Variants in ARSB observed in about 807,000 individuals in gnomAD.
The protein encoded by ARSB is arylsulfatase B, also known as N-acetylgalactosamine-4-sulfatase.
Under a neutral mutation model 50.9 loss-of-function variants are expected in ARSB, and 41 were observed. The observed-to-expected ratio is 0.81, with a 90% CI of 0.63 to 1.04. ARSB has a LOEUF of 1.04. Among genes scored for constraint, ARSB ranks in the 50% least tolerant of loss-of-function variants. The pLI is 0.00. For synonymous variants in ARSB, 269 were observed against 284.8 expected (o/e 0.94, Z 0.56); for missense variants, 672 against 693.3 (o/e 0.97, Z 0.35).
chr5:78,933,892 AGAAG>A (rs1480048620), intron 4 of ARSB, among the ~76,000 whole-genome samples: 1 of 152,196 alleles, frequency 6.6e-6, no homozygotes, highest in African/African-American at 2.4e-5. Context: ...TAAAAGTTAA[AGAAG>A]GAAGAATAGA....
At chr5:78,824,741 G>GC (rs1026865686) in intron 6 of ARSB, among the ~76,000 whole-genome samples, 2 of 152,146 alleles carry the variant, frequency 1.3e-5, no homozygotes, top group African/African-American at 4.8e-5. Flanking sequence ...ATCAGAATCT[G>GC]CCCCCAACTG....
At chr5:78,862,753 T>C (rs989103637) in intron 5 of ARSB, among the ~76,000 whole-genome samples, 1 of 151,996 alleles carries the variant, frequency 6.6e-6, no homozygotes, top group African/African-American at 2.4e-5. Flanking sequence ...AATAGACAAA[T>C]GGGATCTAAT....
intron 4 of ARSB, among the ~76,000 whole-genome samples, chr5:78,935,898 G>A (rs1750558784): frequency 6.6e-6 from 1 of 150,918 alleles, no homozygotes; most frequent in Non-Finnish European, 1.5e-5. Flanking sequence ...GTCCCTCTCT[G>A]GGTATTTTTC....
chr5:78,926,838 A>G (rs1251169894), intron 4 of ARSB, among the ~76,000 whole-genome samples: 3 of 152,252 alleles, frequency 2.0e-5, no homozygotes, highest in Non-Finnish European at 4.4e-5. Context: ...AATGTAATTT[A>G]AAATCTTCTA....
At chr5:78,932,825 A>G (rs867054178) in intron 4 of ARSB, among the ~76,000 whole-genome samples, 3 of 152,306 alleles carry the variant, frequency 2.0e-5, no homozygotes, top group Middle Eastern at 3.4e-3. Context: ...TATTTTCTCC[A>G]TGGAGGCATC....
chr5:78,985,114 G>A lies in ARSB; in HGVS notation c.135C>T (p.Pro45=). The part of the protein sequence containing the change: ...PGSGAGASRP[P]HLVFLLADDL... ...CGTCTGCCAGCAAGAAGACCAGGTGGGGCGGCCGGCTGGCCCCGGCGCCCG... is the reference window on the plus strand; with the variant it reads ...CGTCTGCCAGCAAGAAGACCAGGTGAGGCGGCCGGCTGGCCCCGGCGCCCG... The change falls in exon 1 of 8, where the codon CCC becomes CCT. Residue 45 remains proline, a synonymous_variant. Transcript: ENST00000264914. The A allele has an allele frequency of 6.7e-7, 1 of 1,499,846 alleles. No individual in the cohort carries two copies. The highest frequency in any genetic ancestry group is 8.9e-7 in the Non-Finnish European group (1 of 1,122,716). 92.9% of individuals were successfully genotyped at this position (1,499,846 alleles called of 1,614,324 possible).
intron 5 of ARSB, among the ~76,000 whole-genome samples, chr5:78,858,150 C>T (rs1347518560): frequency 3.9e-5 from 6 of 152,164 alleles, no homozygotes; most frequent in African/African-American, 7.2e-5. Context: ...CACATGGCCT[C>T]AGTGTCTCCT....
intron 5 of ARSB, chr5:78,883,085 A>AT (rs1467110276): frequency 6.6e-6 from 1 of 152,166 alleles, no homozygotes; most frequent in Non-Finnish European, 1.5e-5. Context: ...CGCCCAGCCA[A>AT]TTATTTTTAT....
At chr5:78,912,617 T>A (rs981650024) in intron 4 of ARSB, among the ~76,000 whole-genome samples, 1 of 152,126 alleles carries the variant, frequency 6.6e-6, no homozygotes, top group Non-Finnish European at 1.5e-5. Context: ...AGCAGGTGGG[T>A]CAGGAAGCAC....
At chr5:78,820,006 G>T (rs192286888) in intron 6 of ARSB, among the ~76,000 whole-genome samples, 1 of 152,242 alleles carries the variant, frequency 6.6e-6, no homozygotes, top group Non-Finnish European at 1.5e-5. Context: ...GGCCCTGGGG[G>T]CTCCACCCTC....
intron 4 of ARSB, among the ~76,000 whole-genome samples, chr5:78,948,243 T>A (rs946435145): frequency 2.0e-5 from 3 of 152,180 alleles, no homozygotes; most frequent in African/African-American, 7.2e-5. Flanking sequence ...ATAGGGTGAC[T>A]ACAGTTAATA....
In ARSB at chr5:78,923,253, C is replaced by T. The variant is rs1749908353; in HGVS notation, c.898+32042G>A. ...AGATTCATCTCACAGCTGGGGGATC[C>T]ATGGGGGAAACATCCATCCACTGGT... is the stretch of plus-strand genomic sequence containing the variant. On this transcript the variant is annotated intron_variant, in intron 4 of 7. Transcript: ENST00000264914. 3.3e-5 allele frequency among the ~76,000 whole-genome samples: 5 copies of T among 152,310 alleles called. 1 individual carries two copies. In the South Asian group the frequency reaches 1.0e-3, roughly 32 times the overall value.
chr5:78,978,268 G>A (rs1184879675), intron 1 of ARSB, among the ~76,000 whole-genome samples: 2 of 151,448 alleles, frequency 1.3e-5, no homozygotes, highest in African/African-American at 2.4e-5. Context: ...GAACCCATGA[G>A]GCAGAGGTTA....
intron 6 of ARSB, among the ~76,000 whole-genome samples, chr5:78,808,898 C>T (rs1240702534): frequency 6.6e-6 from 1 of 152,196 alleles, no homozygotes; most frequent in Admixed American, 6.5e-5. Context: ...TAGGGCAGCA[C>T]ACAGCAAGAC....
intron 5 of ARSB, among the ~76,000 whole-genome samples, chr5:78,876,804 A>C (rs944202518): frequency 6.6e-6 from 1 of 152,158 alleles, no homozygotes; most frequent in Non-Finnish European, 1.5e-5. Flanking sequence ...TCACAGCAGG[A>C]GGTGAGCGGT....
intron 6 of ARSB, among the ~76,000 whole-genome samples, chr5:78,819,433 G>A (rs1373142519): frequency 6.6e-6 from 1 of 152,192 alleles, no homozygotes; most frequent in African/African-American, 2.4e-5. Context: ...TCTTTTTCGT[G>A]ACTTATTTTT....
intron 5 of ARSB, among the ~76,000 whole-genome samples, chr5:78,867,001 C>T (rs551131381): frequency 6.6e-6 from 1 of 152,292 alleles, no homozygotes; most frequent in Admixed American, 6.5e-5. Context: ...CATTGCCTCA[C>T]CTGGGAAGCG....
intron 4 of ARSB, among the ~76,000 whole-genome samples, chr5:78,931,542 G>A (rs1011045815): frequency 3.3e-5 from 5 of 152,074 alleles, no homozygotes; most frequent in African/African-American, 1.2e-4. Flanking sequence ...ATTTCTACTG[G>A]AAGGGGAGGA....
intron 5 of ARSB, among the ~76,000 whole-genome samples, chr5:78,846,222 T>C (rs2112017361): frequency 6.6e-6 from 1 of 152,274 alleles, no homozygotes; most frequent in Non-Finnish European, 1.5e-5. Flanking sequence ...AGGTTCTCTA[T>C]TTTGTTCCAT....
Sources: allele counts gnomAD v4.1 joint callset (sites outside exome capture counted in the v4.1 genomes callset), GRCh38; gene constraint gnomAD v4.1.1; transcripts MANE v1.5; gene names NCBI Gene and HGNC (gene_info 2026-07-23, HGNC 2026-07-21).